The following ACLY variants were observed in gnomAD, a reference collection of about 807,000 sequenced individuals.
ACLY encodes ATP-citrate synthase.
ACLY carries 41 observed loss-of-function variants against 133.0 expected under a neutral mutation model. The ratio of observed to expected loss-of-function variants is 0.31; its 90% CI spans 0.24 to 0.40. The LOEUF (loss-of-function observed/expected upper bound fraction) is 0.40, where lower values mean the gene tolerates loss of function less well. Ranked by LOEUF, ACLY falls within the 10% of genes least tolerant of loss-of-function variation. ACLY has a pLI of 1.00. For synonymous variants in ACLY, 495 were observed against 549.3 expected (o/e 0.90, Z 1.38); for missense variants, 1,046 against 1,453.8 (o/e 0.72, Z 4.56).
intron 8 of ACLY, 134 bp from the exon 9 acceptor site, chr17:41,905,792 C>CCCCAATT: frequency 9.3e-7 from 1 of 1,072,932 alleles, no homozygotes; most frequent in South Asian, 1.4e-5. Context: ...GATCTCCAGC[C>CCCCAATT]CCCAATTCCC....
chr17:41,909,125 C>G, intron 5 of ACLY, 57 bp from the exon 6 acceptor site: 1 of 1,344,264 alleles, frequency 7.4e-7, no homozygotes, highest in Non-Finnish European at 1.1e-6. Flanking sequence ...CTCGGCAGCA[C>G]CCCAGGCGCC....
intron 13 of ACLY, among the ~76,000 whole-genome samples, chr17:41,896,987 G>A (rs1355301054): frequency 2.6e-5 from 4 of 152,242 alleles, no homozygotes; most frequent in Admixed American, 2.6e-4. Context: ...TCTAGCTGGC[G>A]CAGTCCCACC....
chr17:41,919,051 C>G, upstream of ACLY: 1 of 1,280,364 alleles, frequency 7.8e-7, no homozygotes, highest in Non-Finnish European at 1.0e-6. Context: ...ATTGGCCACA[C>G]GCGTTCCCTA....
chr17:41,922,310 C>T (rs572003276), upstream of ACLY, among the ~76,000 whole-genome samples: 3 of 133,522 alleles, frequency 2.2e-5, no homozygotes, highest in East Asian at 2.3e-4. Flanking sequence ...ACCCAGGAGG[C>T]GGAGGTTGCA....
chr17:41,897,603 C>T (rs551846064), intron 13 of ACLY, 146 bp downstream of exon 13: 8 of 695,412 alleles, frequency 1.2e-5, no homozygotes, highest in African/African-American at 5.4e-5. Context: ...ATACCATCCT[C>T]GTGTCCCAGG....
intron 1 of ACLY, among the ~76,000 whole-genome samples, chr17:41,917,531 C>T (rs2050082025): frequency 6.6e-6 from 1 of 152,124 alleles, no homozygotes; most frequent in African/African-American, 2.4e-5. Flanking sequence ...CCCCAGAACA[C>T]GCCCCTGGGA....
intron 16 of ACLY, among the ~76,000 whole-genome samples, chr17:41,891,855 G>C (rs776924941): frequency 4.6e-5 from 7 of 152,174 alleles, no homozygotes; most frequent in East Asian, 3.9e-4. Flanking sequence ...GAGTCACCAT[G>C]CCTGGCTTGA....
intron 1 of ACLY, chr17:41,930,231 G>GCCCTTACATGC (rs1555636467): frequency 6.6e-6 from 1 of 152,478 alleles, no homozygotes; most frequent in African/African-American, 2.4e-5. Context: ...GAGGCTGGGA[G>GCCCTTACATGC]CCCTTACATG....
chr17:41,919,193 G>C (rs1462021608), upstream of ACLY, among the ~76,000 whole-genome samples: 1 of 152,170 alleles, frequency 6.6e-6, no homozygotes, highest in Non-Finnish European at 1.5e-5. Flanking sequence ...CGGGGCCGGG[G>C]CGGGGCCCCG....
intron 23 of ACLY, among the ~76,000 whole-genome samples, chr17:41,873,324 C>T (rs2048646990): frequency 6.6e-6 from 1 of 152,054 alleles, no homozygotes; most frequent in African/African-American, 2.4e-5. Flanking sequence ...GGATTACAGG[C>T]GTGCACCACT....
intron 21 of ACLY, 106 bp from the exon 22 acceptor site, chr17:41,878,302 G>T: frequency 1.4e-6 from 1 of 689,930 alleles, no homozygotes; most frequent in East Asian, 3.3e-5. Context: ...AGGTTTCTTA[G>T]TTTACTCTTA....
chr17:41,907,682 G>A, intron 6 of ACLY, 110 bp from the exon 7 acceptor site: 3 of 1,285,942 alleles, frequency 2.3e-6, no homozygotes, highest in Non-Finnish European at 3.3e-6. Context: ...TCAGGCCTCA[G>A]AACTCTCTAA....
intron 13 of ACLY, among the ~76,000 whole-genome samples, chr17:41,897,014 C>G (rs1166944573): frequency 6.6e-6 from 1 of 152,226 alleles, no homozygotes; most frequent in African/African-American, 2.4e-5. Context: ...ATGCCAATCC[C>G]TTTTTGTCTC....
intron 3 of ACLY, among the ~76,000 whole-genome samples, chr17:41,911,134 G>A (rs1374246495): frequency 9.9e-5 from 15 of 152,210 alleles, no homozygotes; most frequent in Non-Finnish European, 1.5e-5. Flanking sequence ...CAAGGATCCC[G>A]CTTTACCCAT....
intron 1 of ACLY, among the ~76,000 whole-genome samples, chr17:41,917,051 C>T (rs920919887): frequency 4.0e-5 from 6 of 149,160 alleles, no homozygotes; most frequent in South Asian, 2.1e-4. Context: ...GCAGGAGAAT[C>T]GCTAGAACCC....
In ACLY at chr17:41,887,544, T is replaced by C. The variant is rs1028587433; in HGVS notation, c.1875+55A>G. The C allele has an allele frequency of 4.3e-5, 63 of 1,473,514 alleles. 1 individual carries two copies. Among genetic ancestry groups the C allele is most frequent in the African/African-American group, 6.9e-5 (5 of 72,084 alleles). 91.3% of individuals were successfully genotyped at this position (1,473,514 alleles called of 1,614,324 possible). A position where few individuals can be genotyped will look rare whatever the true frequency, so the allele number is the denominator to read the frequency against. ...TCAAAAAGTAAACTTCCTAAGGGCA[T>C]TGAACTTCATAAGATAGCATCGAAC... On this transcript the variant is annotated intron_variant, in intron 17 of 28. Coordinates refer to ENST00000352035, the MANE Select transcript of ACLY (RefSeq NM_001096.3).
chr17:41,892,517 G>C, intron 15 of ACLY, 70 bp from the exon 16 acceptor site: 18 of 1,389,008 alleles, frequency 1.3e-5, no homozygotes, highest in African/African-American at 2.9e-5. Flanking sequence ...AAGCTGAGGG[G>C]AGGAATTTCA....
At chr17:41,912,345 A>C in intron 3 of ACLY, 75 bp downstream of exon 3, 142 of 1,560,626 alleles carry the variant, frequency 9.1e-5, no homozygotes, top group Non-Finnish European at 1.1e-4. Context: ...GGTGATCCAC[A>C]GAGCTGCTGA....
intron 11 of ACLY, among the ~76,000 whole-genome samples, chr17:41,899,448 C>A (rs914655023): frequency 5.3e-5 from 8 of 152,144 alleles, no homozygotes; most frequent in Non-Finnish European, 1.2e-4. Flanking sequence ...ACACCCTGAG[C>A]CCATTCCCCC....
Sources: gnomAD v4.1 joint callset for allele counts (sites outside exome capture counted in the v4.1 genomes callset) on GRCh38, gnomAD v4.1.1 for gene constraint, MANE v1.5 for transcripts, NCBI Gene and HGNC (gene_info 2026-07-23, HGNC 2026-07-21) for gene names.